Variants in PRKAG2 observed in about 807,000 individuals in gnomAD.
PRKAG2 encodes protein kinase AMP-activated non-catalytic subunit gamma 2.
A neutral mutation model predicts 69.6 loss-of-function variants in PRKAG2; 26 were observed. That is an observed-to-expected ratio of 0.37 (90% CI 0.27 to 0.52). The LOEUF (loss-of-function observed/expected upper bound fraction) is 0.52, where lower values mean the gene tolerates loss of function less well. Ranked by LOEUF, PRKAG2 falls within the 20% of genes least tolerant of loss-of-function variation. The pLI, the probability that PRKAG2 is intolerant of heterozygous loss-of-function variation, is 0.90. For missense variants in PRKAG2, 557 were observed against 740.0 expected, an observed-to-expected ratio of 0.75 and a Z score of 2.87; for synonymous variants, 293 against 285.0, an observed-to-expected ratio of 1.03 and a Z score of -0.28.
chr7:151,829,259 T>C (rs1227539638), intron 1 of PRKAG2, among the ~76,000 whole-genome samples: 4 of 152,252 alleles, frequency 2.6e-5, no homozygotes, highest in Non-Finnish European at 4.4e-5. Context: ...TCAATAAGTA[T>C]ATGAACATAA....
chr7:151,566,161 G>A (rs770465756), intron 11 of PRKAG2, among the ~76,000 whole-genome samples: 50 of 152,266 alleles, frequency 3.3e-4, no homozygotes, highest in Middle Eastern at 6.8e-3. Flanking sequence ...CACTAAGAAC[G>A]CGTATAGAAC....
At chr7:151,830,841 T>C (rs2079009504) in intron 1 of PRKAG2, among the ~76,000 whole-genome samples, 1 of 151,910 alleles carries the variant, frequency 6.6e-6, no homozygotes. Flanking sequence ...CACTATTTAT[T>C]CTACACATGT....
intron 11 of PRKAG2, among the ~76,000 whole-genome samples, chr7:151,566,846 C>T (rs896520545): frequency 1.4e-4 from 22 of 152,100 alleles, no homozygotes; most frequent in Admixed American, 6.5e-5. Context: ...AGAAAATGAT[C>T]TCATAATTCA....
rs2078206286 is a variant in PRKAG2, at chr7:151,807,993, C to T, written c.115-21452G>A. ...TCGTAACCCCTCCCTACAAACTACCCCCTTTCCCTCTGCCCAAGTGAGCAC... is the reference window on the plus strand; with the variant it reads ...TCGTAACCCCTCCCTACAAACTACCTCCTTTCCCTCTGCCCAAGTGAGCAC... On this transcript the variant is annotated intron_variant, in intron 1 of 15. Coordinates refer to ENST00000287878, the MANE Select transcript of PRKAG2 (RefSeq NM_016203.4). The surrounding 1 kb of genome is among the most constrained non-coding windows in gnomAD (Gnocchi z 4.4). Among the ~76,000 whole-genome samples, 1 of 152,128 alleles carries T rather than the reference C, an allele frequency of 6.6e-6. No homozygotes were observed. Among genetic ancestry groups the T allele is most frequent in the Admixed American group, 6.5e-5 (1 of 15,280 alleles).
chr7:151,816,094 C>G (rs940417875), intron 1 of PRKAG2, among the ~76,000 whole-genome samples: 1 of 150,498 alleles, frequency 6.6e-6, no homozygotes, highest in African/African-American at 2.5e-5. Context: ...CTAAGGCCCA[C>G]GGACAAAAAG....
intron 4 of PRKAG2, among the ~76,000 whole-genome samples, chr7:151,637,775 T>C (rs1825984357): frequency 6.6e-6 from 1 of 151,874 alleles, no homozygotes. Context: ...AGTTTAGGTA[T>C]GTACATTAAT....
chr7:151,849,504 T>C (rs7795096), intron 1 of PRKAG2, among the ~76,000 whole-genome samples: 81,500 of 152,070 alleles, frequency 0.54, 22,550 homozygotes, highest in East Asian at 0.72. Context: ...TATTCATTTC[T>C]GGCGGCTGCT....
intron 15 of PRKAG2, chr7:151,559,926 A>G: frequency 2.0e-6 from 2 of 985,362 alleles, no homozygotes. Context: ...AAATGAGAGG[A>G]AGGCCAGCTC....
At chr7:151,715,617 A>G (rs1796062310) in intron 3 of PRKAG2, among the ~76,000 whole-genome samples, 2 of 152,144 alleles carry the variant, frequency 1.3e-5, no homozygotes, top group Non-Finnish European at 2.9e-5. Context: ...CGGCCTCCCA[A>G]AGTGCTGCGA....
chr7:151,701,842 C>CAAAAAAAAAAAAAA (rs71533538), intron 3 of PRKAG2, among the ~76,000 whole-genome samples: 17 of 92,496 alleles, frequency 1.8e-4, no homozygotes, highest in African/African-American at 4.5e-4. Flanking sequence ...GACTCTGTCT[C>CAAAAAAAAAAAAAA]AAAAAAAAAA....
At chr7:151,747,327 T>C (rs2151727153) in intron 3 of PRKAG2, among the ~76,000 whole-genome samples, 1 of 152,236 alleles carries the variant, frequency 6.6e-6, no homozygotes, top group African/African-American at 2.4e-5. Context: ...GAGGCCGAGG[T>C]GGGTGGATCA....
chr7:151,744,272 G>A (rs1196703098), intron 3 of PRKAG2, among the ~76,000 whole-genome samples: 1 of 152,216 alleles, frequency 6.6e-6, no homozygotes, highest in African/African-American at 2.4e-5. Flanking sequence ...TCGGGGAAGT[G>A]CCAGGACATG....
At chr7:151,619,458 T>C (rs1175554338) in intron 5 of PRKAG2, among the ~76,000 whole-genome samples, 1 of 152,188 alleles carries the variant, frequency 6.6e-6, no homozygotes, top group Non-Finnish European at 1.5e-5. Flanking sequence ...TTCACTGTAT[T>C]TATCAGTAGC....
intron 3 of PRKAG2, among the ~76,000 whole-genome samples, chr7:151,678,013 C>A (rs1169533906): frequency 6.6e-6 from 1 of 152,146 alleles, no homozygotes; most frequent in Non-Finnish European, 1.5e-5. Context: ...AAGGCTGCGT[C>A]ACCTACAGAG....
rs562044289 is a variant in PRKAG2 at position 151,849,060 on chromosome 7, G to C, written c.114+27447C>G. On this transcript the variant is annotated intron_variant, in intron 1 of 15. Transcript: ENST00000287878. ...CCCAATGGCTCCTGCAGGGTGTTCT[G>C]AACGAAAATGGGTTCCCATTTAGGA... Among the ~76,000 whole-genome samples, 35 of 152,246 alleles carry C rather than the reference G, an allele frequency of 2.3e-4. No individual in the cohort carries two copies. In the South Asian group the frequency reaches 3.3e-3, roughly 14 times the overall value.
chr7:151,629,841 C>A (rs1227938724), intron 5 of PRKAG2, among the ~76,000 whole-genome samples: 1 of 152,150 alleles, frequency 6.6e-6, no homozygotes, highest in Non-Finnish European at 1.5e-5. Flanking sequence ...TCGTCAAGGG[C>A]TCCCTATTAT....
intron 1 of PRKAG2, among the ~76,000 whole-genome samples, chr7:151,819,586 T>C (rs2078721585): frequency 6.6e-6 from 1 of 152,220 alleles, no homozygotes; most frequent in African/African-American, 2.4e-5. Flanking sequence ...ACTGCAGGAT[T>C]GCAAAGACAT....
At chr7:151,775,775 T>C (rs2076311522) in intron 3 of PRKAG2, among the ~76,000 whole-genome samples, 2 of 152,150 alleles carry the variant, frequency 1.3e-5, no homozygotes, top group Non-Finnish European at 1.5e-5. Context: ...GAACGAAGTC[T>C]TCATGACATC....
At chr7:151,813,581 A>C (rs1586651639) in intron 1 of PRKAG2, among the ~76,000 whole-genome samples, 1 of 151,852 alleles carries the variant, frequency 6.6e-6, no homozygotes, top group Non-Finnish European at 1.5e-5. Context: ...TGAGCTCCGA[A>C]TCTAGTACTT....
Sources: allele counts gnomAD v4.1 joint callset (sites outside exome capture counted in the v4.1 genomes callset), GRCh38; gene constraint gnomAD v4.1.1; non-coding constraint Gnocchi (gnomAD v3.1); transcripts MANE v1.5; gene names NCBI Gene and HGNC (gene_info 2026-07-23, HGNC 2026-07-21).